Variants in SOX5 observed in about 807,000 individuals in gnomAD.
The protein encoded by SOX5 is transcription factor SOX-5.
A neutral mutation model predicts 92.0 loss-of-function variants in SOX5; 9 were observed. The ratio of observed to expected loss-of-function variants is 0.10; its 90% confidence interval spans 0.06 to 0.17. The LOEUF (loss-of-function observed/expected upper bound fraction) is 0.17, where lower values mean the gene tolerates loss of function less well. Ranked by LOEUF, SOX5 falls within the 10% of genes least tolerant of loss-of-function variation. The pLI is 1.00. For synonymous variants in SOX5, 344 were observed against 336.3 expected (o/e 1.02, Z -0.25); for missense variants, 642 against 944.5 (o/e 0.68, Z 4.20).
chr12:23,936,061 GC>G (rs1304465008), intron 1 of SOX5, among the ~76,000 whole-genome samples: 1 of 151,004 alleles, frequency 6.6e-6, no homozygotes, highest in Non-Finnish European at 1.5e-5. Flanking sequence ...GTGAAATAAT[GC>G]ATGTAAAGCA....
intron 4 of SOX5, among the ~76,000 whole-genome samples, chr12:24,042,773 T>C (rs1956645339): frequency 6.6e-6 from 1 of 152,166 alleles, no homozygotes; most frequent in South Asian, 2.1e-4. Context: ...AATGGATATA[T>C]ATTTTTCATT....
chr12:24,341,893 C>T (rs1315240892), intron 2 of SOX5, among the ~76,000 whole-genome samples: 1 of 152,160 alleles, frequency 6.6e-6, no homozygotes, highest in Non-Finnish European at 1.5e-5. Flanking sequence ...GTAAGGCCAC[C>T]TCCTCCGTTG....
intron 4 of SOX5, among the ~76,000 whole-genome samples, chr12:24,155,412 T>C (rs931422414): frequency 6.6e-6 from 1 of 152,152 alleles, no homozygotes; most frequent in Non-Finnish European, 1.5e-5. Flanking sequence ...AACTTCTTAT[T>C]TTTTTGACAT....
At chr12:23,886,805 T>C (rs1371956283) in intron 2 of SOX5, among the ~76,000 whole-genome samples, 1 of 152,154 alleles carries the variant, frequency 6.6e-6, no homozygotes, top group African/African-American at 2.4e-5. Context: ...ACACATGCTG[T>C]CAAATAACTT....
At chr12:24,194,456 G>T (rs1375238049) in intron 4 of SOX5, among the ~76,000 whole-genome samples, 2 of 150,192 alleles carry the variant, frequency 1.3e-5, no homozygotes, top group African/African-American at 5.0e-5. Context: ...TAGGTAGGTA[G>T]AGAGATATGT....
intron 4 of SOX5, among the ~76,000 whole-genome samples, chr12:23,959,003 A>G (rs1424889781): frequency 1.3e-5 from 2 of 151,900 alleles, no homozygotes; most frequent in Non-Finnish European, 2.9e-5. Context: ...TCATTCACAT[A>G]CAAGACCTAT....
chr12:23,827,633 C>T (rs1021863072), intron 3 of SOX5, among the ~76,000 whole-genome samples: 2 of 152,220 alleles, frequency 1.3e-5, no homozygotes, highest in Non-Finnish European at 2.9e-5. Context: ...TTCGATGTTG[C>T]TGTCAGGTAC....
At position 23,575,621 on chromosome 12, in the gene SOX5, T is replaced by C. The variant is rs943795042; in HGVS notation, c.1342+40A>G. The C allele has an allele frequency of 3.1e-6, 5 of 1,598,902 alleles. No individual in the cohort carries two copies. In the African/African-American group the frequency reaches 6.7e-5, roughly 21 times the overall value. ...TAAAGATGATTCCATTCAATAGCCA[T>C]AAACAGAAAATCAGCAAGAACAAAA... On this transcript the variant is annotated intron_variant, in intron 10 of 14. Transcript: ENST00000451604.
At chr12:23,987,352 T>C (rs1007911118) in intron 4 of SOX5, among the ~76,000 whole-genome samples, 2 of 152,208 alleles carry the variant, frequency 1.3e-5, no homozygotes, top group African/African-American at 4.8e-5. Flanking sequence ...GTGGTAGAAG[T>C]ACACTCCAGT....
intron 2 of SOX5, among the ~76,000 whole-genome samples, chr12:23,872,143 G>A (rs1255576964): frequency 3.0e-4 from 42 of 139,442 alleles, no homozygotes; most frequent in African/African-American, 1.1e-3. Context: ...GACTACAGGC[G>A]CCCGCCACCA....
intron 1 of SOX5, among the ~76,000 whole-genome samples, chr12:24,457,548 G>A (rs1254225832): frequency 1.3e-5 from 2 of 152,100 alleles, no homozygotes; most frequent in Non-Finnish European, 2.9e-5. Context: ...AGTAAGATAA[G>A]CCTTTGGATA....
rs67253622 is a variant in SOX5, at chr12:23,979,698, G to GTTTTTTTTTTTTTTTTTTTTTTTTTTT, written c.-1-83675_-1-83674insAAAAAAAAAAAAAAAAAAAAAAAAAAA. ...TTCTTCCTTCCATATATATATATATGTTTTTTTTGTTTTTTTTTTTTTTTT... is the reference window on the plus strand; with the variant it reads ...TTCTTCCTTCCATATATATATATATGTTTTTTTTTTTTTTTTTTTTTTTTTTTTTTTTTTTGTTTTTTTTTTTTTTTT... On this transcript the variant is annotated intron_variant, in intron 4 of 4. Coordinates refer to the SOX5 transcript ENST00000446891. 4.2e-4 allele frequency among the ~76,000 whole-genome samples: 27 copies of GTTTTTTTTTTTTTTTTTTTTTTTTTTT among 64,706 alleles called. 12 individuals carry two copies. The East Asian group carries it at 0.012, about 28-fold the overall frequency. The allele number at this position is 64,706 out of a possible 152,430, so 42.4% of individuals were successfully genotyped here.
intron 3 of SOX5, among the ~76,000 whole-genome samples, chr12:24,250,577 C>T (rs1269676047): frequency 6.6e-6 from 1 of 152,244 alleles, no homozygotes; most frequent in Admixed American, 6.5e-5. Context: ...AACAGCATTT[C>T]GCTTTGAAGT....
At chr12:23,561,981 G>T (rs571051291) in intron 11 of SOX5, among the ~76,000 whole-genome samples, 1 of 152,108 alleles carries the variant, frequency 6.6e-6, no homozygotes, top group Non-Finnish European at 1.5e-5. Flanking sequence ...TCATTTCTAC[G>T]TGGGGAGCAG....
chr12:23,552,043 T>C (rs761055967), intron 11 of SOX5, among the ~76,000 whole-genome samples: 59 of 151,894 alleles, frequency 3.9e-4, no homozygotes, highest in Non-Finnish European at 7.2e-4. Flanking sequence ...AGAGTTTTGG[T>C]CCAGGTGAAT....
At chr12:24,285,678 A>T (rs967624855) in intron 2 of SOX5, among the ~76,000 whole-genome samples, 1 of 152,204 alleles carries the variant, frequency 6.6e-6, no homozygotes, top group Non-Finnish European at 1.5e-5. Context: ...CTTAGACAAG[A>T]CATGTTTAAC....
At chr12:24,013,293 A>G (rs981478059) in intron 4 of SOX5, among the ~76,000 whole-genome samples, 2 of 152,196 alleles carry the variant, frequency 1.3e-5, no homozygotes, top group African/African-American at 2.4e-5. Context: ...CTTAACTGCT[A>G]TAACTACTTC....
intron 2 of SOX5, among the ~76,000 whole-genome samples, chr12:23,850,818 T>A (rs1223155972): frequency 2.0e-5 from 3 of 152,208 alleles, no homozygotes; most frequent in African/African-American, 7.2e-5. Context: ...AATGCTATTT[T>A]AAACACATAT....
At chr12:23,658,352 A>G (rs1170239737) in intron 7 of SOX5, among the ~76,000 whole-genome samples, 1 of 152,198 alleles carries the variant, frequency 6.6e-6, no homozygotes, top group Non-Finnish European at 1.5e-5. Flanking sequence ...GGAATGTTGT[A>G]TACATTTTTG....
Sources: allele counts gnomAD v4.1 joint callset (sites outside exome capture counted in the v4.1 genomes callset), GRCh38; gene constraint gnomAD v4.1.1; transcripts MANE v1.5; gene names NCBI Gene and HGNC (gene_info 2026-07-23, HGNC 2026-07-21).